The following ZFHX3 variants were observed in gnomAD, a reference collection of about 807,000 sequenced individuals.
ZFHX3 encodes the protein zinc finger homeobox protein 3.
Under a neutral mutation model 279.1 loss-of-function variants are expected in ZFHX3, and 42 were observed. The ratio of observed to expected loss-of-function variants is 0.15; its 90% CI spans 0.12 to 0.19. The LOEUF (loss-of-function observed/expected upper bound fraction) is 0.19. Ranked by LOEUF, ZFHX3 falls within the 10% of genes least tolerant of loss-of-function variation. ZFHX3 has a pLI of 1.00. For missense variants in ZFHX3, 4,981 were observed against 4,754.0 expected (o/e 1.05, Z -1.40); for synonymous variants, 2,293 against 1,957.8 (o/e 1.17, Z -4.52).
intron 7 of ZFHX3, chr16:73,127,511 A>G: frequency 1.5e-6 from 2 of 1,305,490 alleles, no homozygotes; most frequent in Non-Finnish European, 2.0e-6. Flanking sequence ...GGATGGGGGA[A>G]GAAGAGAGCC....
chr16:73,146,801 G>A (rs760109131), intron 5 of ZFHX3, among the ~76,000 whole-genome samples: 7 of 151,942 alleles, frequency 4.6e-5, no homozygotes, highest in Admixed American at 3.3e-4. Context: ...GACTACAGGC[G>A]CCACCACCAA....
At chr16:73,316,753 C>A (rs950313572) in intron 4 of ZFHX3, among the ~76,000 whole-genome samples, 1 of 152,300 alleles carries the variant, frequency 6.6e-6, no homozygotes, top group South Asian at 2.1e-4. Flanking sequence ...TATACTTAGG[C>A]CTTCACATTC....
At chr16:73,435,487 G>A (rs925085680) in intron 3 of ZFHX3, among the ~76,000 whole-genome samples, 8 of 152,208 alleles carry the variant, frequency 5.3e-5, no homozygotes, top group African/African-American at 1.9e-4. Context: ...TGGGATTACA[G>A]GTGTGAGCCA....
intron 5 of ZFHX3, among the ~76,000 whole-genome samples, chr16:73,168,659 C>T (rs913265420): frequency 6.6e-6 from 1 of 152,188 alleles, no homozygotes. Flanking sequence ...CCCCGCAATT[C>T]CCCCAATCTG....
chr16:72,939,045 T>C (rs1960276597), intron 3 of ZFHX3, among the ~76,000 whole-genome samples: 1 of 152,190 alleles, frequency 6.6e-6, no homozygotes, highest in Admixed American at 6.5e-5. Context: ...CCACTTGGCC[T>C]GGCTCACTAG....
chr16:73,540,934 A>G (rs2019999567), intron 2 of ZFHX3, among the ~76,000 whole-genome samples: 1 of 152,086 alleles, frequency 6.6e-6, no homozygotes, highest in East Asian at 1.9e-4. Flanking sequence ...GGGATTTTGG[A>G]CCCAGGAAAA....
intron 3 of ZFHX3, chr16:73,388,869 C>T (rs1045066906): frequency 3.9e-5 from 6 of 152,288 alleles, no homozygotes; most frequent in Non-Finnish European, 7.3e-5. Context: ...ATTTCAGACA[C>T]TGTGAACAAC....
At chr16:73,737,813 C>T (rs768319658) in intron 1 of ZFHX3, among the ~76,000 whole-genome samples, 19 of 152,264 alleles carry the variant, frequency 1.2e-4, no homozygotes, top group East Asian at 7.7e-4. Flanking sequence ...TCTTTGGCTG[C>T]TCATTAGCAC....
At chr16:72,948,329 C>A (rs967581874) in intron 3 of ZFHX3, among the ~76,000 whole-genome samples, 1 of 152,172 alleles carries the variant, frequency 6.6e-6, no homozygotes, top group Admixed American at 6.5e-5. Flanking sequence ...ACCCTGCATC[C>A]CAACGCTCAG....
intron 1 of ZFHX3, among the ~76,000 whole-genome samples, chr16:73,720,235 C>A (rs2053461244): frequency 6.6e-6 from 1 of 152,194 alleles, no homozygotes; most frequent in South Asian, 2.1e-4. Flanking sequence ...TACGAAGGAA[C>A]ACCCTTCCTG....
intron 4 of ZFHX3, among the ~76,000 whole-genome samples, chr16:73,267,254 T>C (rs1350853168): frequency 1.3e-5 from 2 of 152,126 alleles, no homozygotes; most frequent in African/African-American, 4.8e-5. Flanking sequence ...CCCTTGGGCC[T>C]GTGGAATACA....
chr16:73,191,314 A>T (rs934222552), intron 5 of ZFHX3, among the ~76,000 whole-genome samples: 7 of 152,154 alleles, frequency 4.6e-5, no homozygotes, highest in African/African-American at 7.2e-5. Flanking sequence ...CGGCCGCCCC[A>T]GCACAGGTCT....
At chr16:72,979,380 T>C (rs540191301) in intron 1 of ZFHX3, among the ~76,000 whole-genome samples, 142 of 152,228 alleles carry the variant, frequency 9.3e-4, no homozygotes, top group African/African-American at 3.4e-3. Flanking sequence ...AAAGACAAGT[T>C]CTATGAAAAA....
chr16:73,199,035 C>G (rs774614439), intron 5 of ZFHX3, among the ~76,000 whole-genome samples: 1 of 152,198 alleles, frequency 6.6e-6, no homozygotes. Flanking sequence ...CAAAACAAAG[C>G]TCTTTGACTA....
At chr16:73,239,058 G>A (rs117874076) in intron 5 of ZFHX3, among the ~76,000 whole-genome samples, 6 of 152,226 alleles carry the variant, frequency 3.9e-5, no homozygotes, top group Admixed American at 6.5e-5. Context: ...GGCAGAGACC[G>A]TGCCCTTCAT....
At chr16:73,555,172 T>TGAG (rs1195761087) in intron 2 of ZFHX3, among the ~76,000 whole-genome samples, 1 of 152,130 alleles carries the variant, frequency 6.6e-6, no homozygotes, top group Admixed American at 6.5e-5. Context: ...TTATTTTTTT[T>TGAG]GAGGAGGAGT....
At chr16:73,599,732 T>TA (rs67036720) in intron 2 of ZFHX3, among the ~76,000 whole-genome samples, 37,148 of 144,040 alleles carry the variant, frequency 0.26, 8,046 homozygotes, top group African/African-American at 0.6. Context: ...AAAATGTCAT[T>TA]AAAAAAAAAA....
At position 73,643,393 on chromosome 16, in the gene ZFHX3, T is replaced by G. The variant is rs1269445923; in HGVS notation, c.-1547+36787A>C. 2.6e-5 allele frequency among the ~76,000 whole-genome samples: 4 copies of G among 152,240 alleles called. No individual in the cohort carries two copies. In the South Asian group the frequency reaches 8.3e-4, roughly 31 times the overall value. On this transcript the variant is annotated intron_variant, in intron 2 of 17. Transcript: ENST00000641206. ...TCATAAAATGTATGCCAGGAGATTT[T>G]ATAACCAGTATCCAAAGACAACCAC...
intron 2 of ZFHX3, among the ~76,000 whole-genome samples, chr16:73,483,674 A>T (rs577460388): frequency 1.3e-5 from 2 of 152,136 alleles, no homozygotes; most frequent in Non-Finnish European, 2.9e-5. Flanking sequence ...GGGGCCAAGC[A>T]GCTGTTTTAC....
Sources: allele counts gnomAD v4.1 joint callset (sites outside exome capture counted in the v4.1 genomes callset), GRCh38; gene constraint gnomAD v4.1.1; transcripts MANE v1.5; gene names NCBI Gene and HGNC (gene_info 2026-07-23, HGNC 2026-07-21).